Variants in CFAP47 observed in about 807,000 individuals in gnomAD.
CFAP47 encodes cilia and flagella associated protein 47.
Under a neutral mutation model 148.1 loss-of-function variants are expected in CFAP47, and 29 were observed. The observed-to-expected ratio is 0.20, with a 90% CI of 0.15 to 0.27. The LOEUF (loss-of-function observed/expected upper bound fraction) is 0.27, where lower values mean the gene tolerates loss of function less well. CFAP47 is among the 10% of genes least tolerant of loss of function. CFAP47 has a pLI of 1.00. For missense variants in CFAP47, 1,872 were observed against 1,697.5 expected (o/e 1.10, Z -1.81); for synonymous variants, 664 against 577.3 (o/e 1.15, Z -2.15).
At chrX:36,235,327 C>T (rs185226090) in intron 46 of CFAP47, among the ~76,000 whole-genome samples, 133 of 112,382 alleles carry the variant, frequency 1.2e-3, no homozygotes, top group African/African-American at 3.9e-3. Context: ...CAATGGCAGG[C>T]GCCCCTCCCC....
chrX:35,940,345 G>A lies in CFAP47; in HGVS notation c.402-938G>A, dbSNP rs1229090908. Among the ~76,000 whole-genome samples, 5 of 110,840 alleles carry A rather than the reference G, an allele frequency of 4.5e-5. No homozygotes were observed. In the East Asian group the frequency reaches 1.4e-3, roughly 32 times the overall value. On this transcript the variant is annotated intron_variant, in intron 2 of 63. Transcript: ENST00000378653. ...TTGGCTTTTGTTGCCATTGCTTTTGGTGTTTTAGACATGAAGTCCTTGCCC... is the reference window on the plus strand; with the variant it reads ...TTGGCTTTTGTTGCCATTGCTTTTGATGTTTTAGACATGAAGTCCTTGCCC...
intron 39 of CFAP47, among the ~76,000 whole-genome samples, chrX:36,177,713 A>T (rs1265028386): frequency 8.9e-6 from 1 of 112,549 alleles, no homozygotes; most frequent in Non-Finnish European, 1.9e-5. Flanking sequence ...ATATCAATTT[A>T]AAACAATAGT....
chrX:35,994,473 T>A (rs1282441526), intron 18 of CFAP47, among the ~76,000 whole-genome samples: 1 of 111,342 alleles, frequency 9.0e-6, no homozygotes, highest in African/African-American at 3.3e-5. Context: ...TTTAAGTATA[T>A]CTTACATGTT....
rs533442643 is a variant in CFAP47 at position 35,971,220 on chromosome X, A to G, written c.1970+297A>G. Among the ~76,000 whole-genome samples the G allele has an allele frequency of 7.1e-5, 8 of 112,063 alleles. 1 individual carries two copies. The South Asian group carries it at 3.0e-3, about 41-fold the overall frequency. ...CTGTACAGAATGAGGGAAGCAGAAT[A>G]GGGAAGGAGTGAGAGCTGAGGAAAA... is the stretch of plus-strand genomic sequence containing the variant. On this transcript the variant is annotated intron_variant, in intron 11 of 63. Coordinates refer to ENST00000378653, the MANE Select transcript of CFAP47 (RefSeq NM_001304548.2).
intron 45 of CFAP47, among the ~76,000 whole-genome samples, chrX:36,227,376 A>G (rs1555991688): frequency 8.9e-6 from 1 of 111,832 alleles, no homozygotes; most frequent in African/African-American, 3.2e-5. Context: ...TACATTATAT[A>G]TATTGTATTA....
chrX:35,948,268 C>T, intron 3 of CFAP47, 46 bp from the exon 4 acceptor site: 3 of 1,126,545 alleles, frequency 2.7e-6, no homozygotes, highest in Non-Finnish European at 3.6e-6. Flanking sequence ...GTACATGCAA[C>T]ATTGTAAGGG....
At chrX:35,976,815 A>T (rs1936577521) in intron 15 of CFAP47, among the ~76,000 whole-genome samples, 1 of 112,080 alleles carries the variant, frequency 8.9e-6, no homozygotes, top group African/African-American at 3.2e-5. Flanking sequence ...AAATAAGATG[A>T]TTTTTAATTA....
At chrX:36,233,091 G>C (rs1348924903) in intron 46 of CFAP47, among the ~76,000 whole-genome samples, 1 of 111,989 alleles carries the variant, frequency 8.9e-6, no homozygotes, top group Admixed American at 9.5e-5. Flanking sequence ...TGTATATTCT[G>C]TTGATTTGGG....
At chrX:36,109,621 A>G (rs756478594) in intron 33 of CFAP47, among the ~76,000 whole-genome samples, 1 of 110,740 alleles carries the variant, frequency 9.0e-6, no homozygotes, top group Admixed American at 9.6e-5. Flanking sequence ...GATTACAGGC[A>G]CACGCTACCA....
intron 14 of CFAP47, 123 bp downstream of exon 14, chrX:35,975,486 G>A (rs1261000066): frequency 1.6e-6 from 1 of 617,969 alleles, no homozygotes; most frequent in Non-Finnish European, 2.5e-6. Context: ...GAAGCTATAT[G>A]TGCATCAATT....
chrX:35,932,321 G>A (rs187149461), intron 2 of CFAP47, among the ~76,000 whole-genome samples: 2,239 of 100,715 alleles, frequency 0.022, 87 homozygotes, highest in African/African-American at 0.078. Flanking sequence ...GTGCAATGGC[G>A]CAATCTCGGC....
At position 36,306,372 on chromosome X, in the gene CFAP47, C is replaced by A. The variant is rs782146478; in HGVS notation, c.8083-400C>A. On this transcript the variant is annotated intron_variant, in intron 54 of 63. Coordinates refer to ENST00000378653, the MANE Select transcript of CFAP47 (RefSeq NM_001304548.2). ...ACCTTTGCTTAGAAACAGTTCATTTCTTTTGAAATGAACAAAAGTAACAAA... is the reference window on the plus strand; with the variant it reads ...ACCTTTGCTTAGAAACAGTTCATTTATTTTGAAATGAACAAAAGTAACAAA... Among the ~76,000 whole-genome samples, 168 of 111,735 alleles carry A rather than the reference C, an allele frequency of 1.5e-3. 1 individual carries two copies. The highest frequency in any genetic ancestry group is 5.0e-3 in the African/African-American group (154 of 30,881).
chrX:35,986,948 C>T (rs1468190584), intron 15 of CFAP47, among the ~76,000 whole-genome samples: 1 of 111,568 alleles, frequency 9.0e-6, no homozygotes, highest in Non-Finnish European at 1.9e-5. Context: ...TGCAGAACAG[C>T]AAAATTGCTG....
chrX:35,953,153 G>A lies in CFAP47; in HGVS notation c.1047-439G>A, dbSNP rs149624428. Among the ~76,000 whole-genome samples the A allele has an allele frequency of 9.6e-3, 1,076 of 112,176 alleles. 18 individuals carry two copies. Among genetic ancestry groups the A allele is most frequent in the African/African-American group, 0.032 (984 of 30,934 alleles). The stretch of plus-strand genomic sequence containing the variant: ...TCCAAATTACTTGTCCACAACAAGA[G>A]CATGGCTGGCAATATGCACTTAGTA... On this transcript the variant is annotated intron_variant, in intron 6 of 63. Transcript: ENST00000378653.
At chrX:36,132,240 G>A (rs2146824990) in intron 33 of CFAP47, among the ~76,000 whole-genome samples, 1 of 110,716 alleles carries the variant, frequency 9.0e-6, no homozygotes, top group East Asian at 2.8e-4. Flanking sequence ...ATATAAAACT[G>A]GATAAAAACA....
At chrX:35,958,981 G>C (rs745972102) in intron 8 of CFAP47, among the ~76,000 whole-genome samples, 2 of 111,595 alleles carry the variant, frequency 1.8e-5, no homozygotes, top group South Asian at 3.8e-4. Flanking sequence ...AAGGTGGAAG[G>C]GGGTGGGGTG....
At chrX:36,233,193 C>T (rs1176396058) in intron 46 of CFAP47, among the ~76,000 whole-genome samples, 16 of 111,194 alleles carry the variant, frequency 1.4e-4, no homozygotes, top group Non-Finnish European at 2.6e-4. Flanking sequence ...TCTCGTAGAT[C>T]TGTCTAATGT....
At chrX:36,259,905 A>G (rs1940797448) in intron 49 of CFAP47, among the ~76,000 whole-genome samples, 1 of 110,879 alleles carries the variant, frequency 9.0e-6, no homozygotes, top group African/African-American at 3.3e-5. Flanking sequence ...TATTGCTCCC[A>G]TCTTTGTGCC....
intron 2 of CFAP47, among the ~76,000 whole-genome samples, chrX:35,940,662 C>G (rs1293700837): frequency 1.8e-5 from 2 of 110,974 alleles, no homozygotes. Flanking sequence ...TTCTCTCTCC[C>G]CCGCTCTCTC....
Sources: allele counts gnomAD v4.1 joint callset (sites outside exome capture counted in the v4.1 genomes callset), GRCh38; gene constraint gnomAD v4.1.1; transcripts MANE v1.5; gene names NCBI Gene and HGNC (gene_info 2026-07-23, HGNC 2026-07-21).